The following TTC28 variants were observed in gnomAD, a reference collection of about 807,000 sequenced individuals.
TTC28 encodes the protein tetratricopeptide repeat protein 28.
TTC28 carries 61 observed loss-of-function variants against 198.0 expected under a neutral mutation model. That is an observed-to-expected ratio of 0.31 (90% CI 0.25 to 0.38). TTC28 has a LOEUF of 0.38. Among genes scored for constraint, TTC28 ranks in the 10% least tolerant of loss-of-function variants. The pLI is 1.00. For synonymous variants in TTC28, 1,171 were observed against 1,297.8 expected (o/e 0.90, Z 2.10); for missense variants, 2,678 against 3,164.0 (o/e 0.85, Z 3.69).
rs139122413 is a variant in TTC28, at chr22:28,291,977, A to G, written c.933+4221T>C. Reference sequence around the variant, plus strand: ...AATAAATATAAACAATTATAATTACATATATGACTAAAAGAGCATACCAAA... The same window carrying G: ...AATAAATATAAACAATTATAATTACGTATATGACTAAAAGAGCATACCAAA... On this transcript the variant is annotated intron_variant, in intron 5 of 22. Transcript: ENST00000397906. Among the ~76,000 whole-genome samples, 1,082 of 152,168 alleles carry G rather than the reference A, an allele frequency of 7.1e-3. 12 individuals carry two copies. Among genetic ancestry groups the G allele is most frequent in the African/African-American group, 0.025 (1,046 of 41,552 alleles).
At position 28,341,993 on chromosome 22, in the gene TTC28, A is replaced by G. The variant is rs117512269; in HGVS notation, c.382-35350T>C. Among the ~76,000 whole-genome samples the G allele has an allele frequency of 1.2e-4, 19 of 152,176 alleles. 1 individual carries two copies. The East Asian group carries it at 3.5e-3, about 28-fold the overall frequency. On this transcript the variant is annotated intron_variant, in intron 2 of 22. Coordinates refer to ENST00000397906, the MANE Select transcript of TTC28 (RefSeq NM_001145418.2). ...GATCCTGTCGCTTAAAAAAACAGAAAAAAATTTAAAAAACAAAGATATTTT... is the reference window on the plus strand; with the variant it reads ...GATCCTGTCGCTTAAAAAAACAGAAGAAAATTTAAAAAACAAAGATATTTT...
chr22:28,336,581 C>T (rs1006102323), intron 2 of TTC28, among the ~76,000 whole-genome samples: 4 of 151,956 alleles, frequency 2.6e-5, no homozygotes, highest in Admixed American at 6.6e-5. Flanking sequence ...GTGTATGTAT[C>T]GAGGAATTTA....
At chr22:28,393,181 G>A (rs1569302038) in intron 2 of TTC28, among the ~76,000 whole-genome samples, 1 of 152,006 alleles carries the variant, frequency 6.6e-6, no homozygotes, top group Non-Finnish European at 1.5e-5. Flanking sequence ...CACCAAGCCT[G>A]GCCTTTCTCA....
chr22:28,540,045 C>T (rs141194894), intron 2 of TTC28, among the ~76,000 whole-genome samples: 3,424 of 150,400 alleles, frequency 0.023, 63 homozygotes, highest in Non-Finnish European at 0.036. Flanking sequence ...CCTGGGTTCA[C>T]GCCATTCTCC....
chr22:28,152,444 T>C (rs1417373738), intron 6 of TTC28, among the ~76,000 whole-genome samples: 1 of 152,168 alleles, frequency 6.6e-6, no homozygotes, highest in Non-Finnish European at 1.5e-5. Context: ...GCATGTTCTC[T>C]TGTGGAAAGA....
At chr22:28,051,246 G>A (rs548774040) in intron 12 of TTC28, among the ~76,000 whole-genome samples, 248 of 152,312 alleles carry the variant, frequency 1.6e-3, no homozygotes, top group Non-Finnish European at 2.4e-3. Context: ...CTCCTGGCAG[G>A]AATCACGGAA....
chr22:28,613,066 CAAAAAT>C (rs1448522780), intron 2 of TTC28, among the ~76,000 whole-genome samples: 1 of 151,628 alleles, frequency 6.6e-6, no homozygotes, highest in African/African-American at 2.4e-5. Context: ...ATAAGATCAA[CAAAAAT>C]AGATAGACCG....
chr22:28,115,341 T>C (rs938498513), intron 6 of TTC28, among the ~76,000 whole-genome samples: 3 of 152,150 alleles, frequency 2.0e-5, no homozygotes, highest in Non-Finnish European at 4.4e-5. Context: ...CACACTCTTT[T>C]ACCTTCTCCC....
At chr22:28,012,483 A>G (rs1938200655) in intron 14 of TTC28, among the ~76,000 whole-genome samples, 1 of 152,066 alleles carries the variant, frequency 6.6e-6, no homozygotes, top group Non-Finnish European at 1.5e-5. Context: ...GCACACATTC[A>G]CTGCTGCTGC....
chr22:28,557,231 G>A (rs1453203106), intron 2 of TTC28, among the ~76,000 whole-genome samples: 1 of 152,110 alleles, frequency 6.6e-6, no homozygotes, highest in Non-Finnish European at 1.5e-5. Context: ...AAAATTTTCA[G>A]CCATTATCTC....
Position 28,186,816 on chromosome 22 carries a change from G to C in TTC28, c.934-23217C>G, listed in dbSNP as rs544997135. Reference sequence around the variant, plus strand: ...TAAAGAGAGAAATCAATGGAAGGCAGAGGTGAGGTGCTGAGTGATGGTAGC... The same window carrying C: ...TAAAGAGAGAAATCAATGGAAGGCACAGGTGAGGTGCTGAGTGATGGTAGC... On this transcript the variant is annotated intron_variant, in intron 5 of 22. Coordinates refer to ENST00000397906, the MANE Select transcript of TTC28 (RefSeq NM_001145418.2). Among the ~76,000 whole-genome samples, 4 of 152,302 alleles carry C rather than the reference G, an allele frequency of 2.6e-5. No homozygotes were observed. In the East Asian group the frequency reaches 7.7e-4, roughly 29 times the overall value.
chr22:28,030,244 C>T lies in TTC28; in HGVS notation c.4055G>A (p.Arg1352His), dbSNP rs1028004950. ...CACTCACCTGTTAAACAGGTTATTG[C>T]GGCGAACCATCCGCAGAAAGCCAGT... The part of the protein sequence containing the change: ...DPTGFLRMVR[R>H]NNLFNRSCQS... Residue 1352 changes from arginine (R) to histidine (H), a missense_variant, in exon 13 of 23, where the codon CGC (arginine) becomes CAC (histidine). Around this residue, in one of 8 missense-constraint regions of TTC28, gnomAD observed 727 missense variants for 861.9 expected, o/e 0.84. Transcript: ENST00000397906. 4.0e-5 allele frequency: 62 copies of T among 1,551,566 alleles called. No individual in the cohort carries two copies. The East Asian group carries it at 8.1e-4, about 20-fold the overall frequency.
At chr22:28,346,082 C>T (rs555978927) in intron 2 of TTC28, among the ~76,000 whole-genome samples, 6 of 152,092 alleles carry the variant, frequency 3.9e-5, no homozygotes, top group East Asian at 3.9e-4. Context: ...TATGTTTTCA[C>T]GTATTCTTTA....
intron 2 of TTC28, among the ~76,000 whole-genome samples, chr22:28,426,240 GAAAATTCAA>G (rs2047349547): frequency 2.1e-5 from 3 of 145,548 alleles, no homozygotes; most frequent in African/African-American, 7.5e-5. Flanking sequence ...AAGAAAGAAA[GAAAATTCAA>G]AAGGCACTTA....
At chr22:28,432,333 T>C (rs1320850954) in intron 2 of TTC28, among the ~76,000 whole-genome samples, 1 of 151,706 alleles carries the variant, frequency 6.6e-6, no homozygotes, top group Non-Finnish European at 1.5e-5. Flanking sequence ...TAAAAAAATA[T>C]AAAATAAATA....
chr22:28,307,565 A>G (rs2045170414), intron 2 of TTC28, among the ~76,000 whole-genome samples: 1 of 152,156 alleles, frequency 6.6e-6, no homozygotes, highest in Non-Finnish European at 1.5e-5. Context: ...TGCATAAGCC[A>G]CTGCACCCAG....
At chr22:28,500,875 T>C (rs1463861582) in intron 2 of TTC28, among the ~76,000 whole-genome samples, 1 of 152,184 alleles carries the variant, frequency 6.6e-6, no homozygotes, top group East Asian at 1.9e-4. Context: ...TATCAATCAC[T>C]TGAGATGCTG....
chr22:28,583,984 GTTT>G (rs138610593), intron 2 of TTC28, among the ~76,000 whole-genome samples: 3 of 131,740 alleles, frequency 2.3e-5, no homozygotes, highest in Non-Finnish European at 3.3e-5. Flanking sequence ...CTCTTTCTCC[GTTT>G]TTTTTTTGTT....
At chr22:28,531,471 C>G (rs568651492) in intron 2 of TTC28, among the ~76,000 whole-genome samples, 5 of 152,280 alleles carry the variant, frequency 3.3e-5, no homozygotes, top group African/African-American at 7.2e-5. Flanking sequence ...GAGATTTTAA[C>G]ACCCCACTGT....
Sources: allele counts gnomAD v4.1 joint callset (sites outside exome capture counted in the v4.1 genomes callset), GRCh38; gene constraint gnomAD v4.1.1; regional missense constraint gnomAD v4.1.1; transcripts MANE v1.5; gene names NCBI Gene and HGNC (gene_info 2026-07-23, HGNC 2026-07-21).